The following TEAD1 variants were observed in gnomAD, a reference collection of about 807,000 sequenced individuals.
The protein encoded by TEAD1 is TEA domain transcription factor 1.
TEAD1 carries 9 observed loss-of-function variants against 54.9 expected under a neutral mutation model. That is an observed-to-expected ratio of 0.16 (90% CI 0.10 to 0.29). The LOEUF is 0.29. Among genes scored for constraint, TEAD1 ranks in the 10% least tolerant of loss-of-function variants. The pLI, the probability that TEAD1 is intolerant of heterozygous loss-of-function variation, is 1.00. For synonymous variants in TEAD1, 200 were observed against 187.8 expected, an observed-to-expected ratio of 1.07 and a Z score of -0.53; for missense variants, 387 against 535.9, an observed-to-expected ratio of 0.72 and a Z score of 2.74.
At chr11:12,889,399 C>T (rs540435199) in intron 9 of TEAD1, among the ~76,000 whole-genome samples, 2 of 600 alleles carry the variant, frequency 3.3e-3, no homozygotes, top group Non-Finnish European at 0.026. Flanking sequence ...TTCCTCCAGC[C>T]CCCCACCAGG....
chr11:12,891,129 C>A (rs965719613), intron 9 of TEAD1, among the ~76,000 whole-genome samples: 17 of 152,184 alleles, frequency 1.1e-4, no homozygotes, highest in African/African-American at 4.1e-4. Flanking sequence ...GTCAAAAAAT[C>A]TCCAAGCATA....
chr11:12,925,653 C>A (rs1355250041), intron 11 of TEAD1, among the ~76,000 whole-genome samples: 2 of 152,162 alleles, frequency 1.3e-5, no homozygotes, highest in Non-Finnish European at 2.9e-5. Flanking sequence ...TCAGCTGTGC[C>A]CTGCTCAGCC....
At chr11:12,756,423 C>T (rs1328732660) in intron 2 of TEAD1, among the ~76,000 whole-genome samples, 1 of 152,196 alleles carries the variant, frequency 6.6e-6, no homozygotes, top group Non-Finnish European at 1.5e-5. Context: ...GGCTGCCAAT[C>T]TTCACTTGTA....
intron 4 of TEAD1, among the ~76,000 whole-genome samples, chr11:12,863,968 T>C (rs1204424347): frequency 6.6e-6 from 1 of 152,070 alleles, no homozygotes; most frequent in Admixed American, 6.5e-5. Context: ...ACAGGATGGC[T>C]GGCTGGCTGT....
chr11:12,730,752 G>A (rs1196884184), intron 2 of TEAD1, among the ~76,000 whole-genome samples: 1 of 142,136 alleles, frequency 7.0e-6, no homozygotes, highest in Non-Finnish European at 1.5e-5. Context: ...ACAGGCTGGA[G>A]TGCACTAGTG....
chr11:12,716,631 T>C (rs2133859480), intron 2 of TEAD1, among the ~76,000 whole-genome samples: 2 of 152,346 alleles, frequency 1.3e-5, no homozygotes, highest in South Asian at 4.1e-4. Flanking sequence ...TCAGCTCTGC[T>C]GTTGTGGTTT....
intron 5 of TEAD1, 161 bp from the exon 6 acceptor site, chr11:12,879,547 G>A (rs1479834771): frequency 9.5e-6 from 8 of 842,888 alleles, no homozygotes; most frequent in African/African-American, 1.7e-5. Flanking sequence ...GGTTGAGTGT[G>A]GTTTAGCCTT....
intron 2 of TEAD1, among the ~76,000 whole-genome samples, chr11:12,735,123 C>T (rs114716123): frequency 0.012 from 1,789 of 152,212 alleles, 42 homozygotes; most frequent in African/African-American, 0.04. Flanking sequence ...AGCATTAGGG[C>T]CAGGCAGAAG....
At chr11:12,748,556 T>G (rs1156301424) in intron 2 of TEAD1, among the ~76,000 whole-genome samples, 1 of 152,202 alleles carries the variant, frequency 6.6e-6, no homozygotes, top group African/African-American at 2.4e-5. Context: ...ATGATGAAAG[T>G]CCTATTTGCA....
At chr11:12,867,459 C>G (rs1471746303) in intron 5 of TEAD1, among the ~76,000 whole-genome samples, 1 of 152,208 alleles carries the variant, frequency 6.6e-6, no homozygotes, top group African/African-American at 2.4e-5. Context: ...TGGCACCACT[C>G]TGAGGGCATT....
chr11:12,766,140 A>G (rs1366266101), intron 3 of TEAD1, among the ~76,000 whole-genome samples: 3 of 152,234 alleles, frequency 2.0e-5, no homozygotes, highest in Non-Finnish European at 4.4e-5. Flanking sequence ...GGGCATAACC[A>G]CTGCACTTCA....
intron 12 of TEAD1, among the ~76,000 whole-genome samples, chr11:12,932,267 C>A (rs1194583582): frequency 6.6e-6 from 1 of 152,156 alleles, no homozygotes; most frequent in Non-Finnish European, 1.5e-5. Flanking sequence ...AGGTGCTTGA[C>A]ATATAGGTGC....
intron 7 of TEAD1, 53 bp from the exon 8 acceptor site, chr11:12,881,843 C>A (rs1564975401): frequency 1.3e-6 from 2 of 1,589,740 alleles, no homozygotes; most frequent in Admixed American, 1.7e-5. Context: ...TGGGTAATAG[C>A]CCCTGCTGCA....
chr11:12,814,643 C>T (rs1797177684), intron 3 of TEAD1, among the ~76,000 whole-genome samples: 1 of 152,156 alleles, frequency 6.6e-6, no homozygotes, highest in African/African-American at 2.4e-5. Flanking sequence ...AGTCTTTGCG[C>T]ATGTCATCTC....
chr11:12,776,061 G>GTGGGT (rs1169464274), intron 3 of TEAD1, among the ~76,000 whole-genome samples: 2 of 152,106 alleles, frequency 1.3e-5, no homozygotes, highest in Non-Finnish European at 2.9e-5. Context: ...CCTTCCACTT[G>GTGGGT]TGGGTGGCTG....
At chr11:12,748,518 G>A (rs113504918) in intron 2 of TEAD1, among the ~76,000 whole-genome samples, 7 of 152,184 alleles carry the variant, frequency 4.6e-5, no homozygotes, top group Admixed American at 2.0e-4. Context: ...AGTGAGTGGG[G>A]ATCTGCTGAA....
chr11:12,680,878 A>G (rs1846126822), intron 2 of TEAD1, among the ~76,000 whole-genome samples: 1 of 152,166 alleles, frequency 6.6e-6, no homozygotes, highest in African/African-American at 2.4e-5. Flanking sequence ...GGGGCACCAT[A>G]TGGCGGATGT....
chr11:12,753,643 A>G (rs988202294), intron 2 of TEAD1, among the ~76,000 whole-genome samples: 2 of 152,078 alleles, frequency 1.3e-5, no homozygotes, highest in Non-Finnish European at 2.9e-5. Flanking sequence ...AGGATGAAGG[A>G]TATGAGTCTC....
At chr11:12,886,415 A>G (rs775411028) in intron 9 of TEAD1, among the ~76,000 whole-genome samples, 1 of 152,234 alleles carries the variant, frequency 6.6e-6, no homozygotes, top group African/African-American at 2.4e-5. Flanking sequence ...AAAGATAGTT[A>G]TATTTTAGGG....
Sources: gnomAD v4.1 joint callset for allele counts (sites outside exome capture counted in the v4.1 genomes callset) on GRCh38, gnomAD v4.1.1 for gene constraint, MANE v1.5 for transcripts, NCBI Gene and HGNC (gene_info 2026-07-23, HGNC 2026-07-21) for gene names.